Variants in NFIB observed in about 807,000 individuals in gnomAD.
The protein encoded by NFIB is nuclear factor 1 B-type.
A neutral mutation model predicts 61.5 loss-of-function variants in NFIB; 11 were observed. The observed-to-expected ratio is 0.18, with a 90% CI of 0.11 to 0.30. NFIB has a LOEUF of 0.30. Ranked by LOEUF, NFIB falls within the 10% of genes least tolerant of loss-of-function variation. The probability of loss-of-function intolerance (pLI) is 1.00; values close to 1 mark genes in which losing one functional copy is unlikely to be tolerated. For missense variants in NFIB, 471 were observed against 608.9 expected, an observed-to-expected ratio of 0.77 and a Z score of 2.38; for synonymous variants, 260 against 216.5, an observed-to-expected ratio of 1.20 and a Z score of -1.76.
At chr9:14,354,780 CTGTGTGTGTGTGTGTGTGTG>C (rs67877825) in intron 1 of NFIB, among the ~76,000 whole-genome samples, 2 of 145,880 alleles carry the variant, frequency 1.4e-5, no homozygotes, top group Admixed American at 6.8e-5. Flanking sequence ...AATGGGTACT[CTGTGTGTGTGTGTGTGTGTG>C]TGTGTGTGTG....
intron 10 of NFIB, among the ~76,000 whole-genome samples, chr9:14,105,587 A>C (rs536303908): frequency 3.3e-5 from 5 of 152,150 alleles, no homozygotes; most frequent in Non-Finnish European, 7.4e-5. Context: ...AAACTCCCTG[A>C]TAAAGTGAAA....
chr9:14,356,843 G>T (rs1389598669), intron 1 of NFIB, among the ~76,000 whole-genome samples: 8 of 152,152 alleles, frequency 5.3e-5, no homozygotes, highest in African/African-American at 1.9e-4. Flanking sequence ...TTGCTGAAAG[G>T]AATGTCAGTC....
chr9:14,262,172 A>G (rs1234864030), intron 2 of NFIB, among the ~76,000 whole-genome samples: 1 of 152,116 alleles, frequency 6.6e-6, no homozygotes, highest in African/African-American at 2.4e-5. Context: ...GCTCCTAAAC[A>G]CAGGCCACCT....
At chr9:14,187,711 C>A (rs2047535022) in intron 2 of NFIB, among the ~76,000 whole-genome samples, 1 of 151,880 alleles carries the variant, frequency 6.6e-6, no homozygotes, top group East Asian at 1.9e-4. Flanking sequence ...TGTTAGCGCT[C>A]AAGACTGAAA....
chr9:14,439,606 G>A, the NFIB span, among the ~76,000 whole-genome samples: 1 of 152,190 alleles, frequency 6.6e-6, no homozygotes, highest in East Asian at 1.9e-4. Flanking sequence ...AGGCCAGAAA[G>A]AGGGGGTGCC....
chr9:14,427,942 T>TTTTTTTTTTTTTTG, the NFIB span, among the ~76,000 whole-genome samples: 7 of 77,856 alleles, frequency 9.0e-5, no homozygotes, highest in African/African-American at 1.5e-4. Flanking sequence ...CAGTTGTTTT[T>TTTTTTTTTTTTTTG]TTTTTTTTTT....
At chr9:14,377,162 C>T (rs535988018) in intron 1 of NFIB, among the ~76,000 whole-genome samples, 56 of 152,304 alleles carry the variant, frequency 3.7e-4, no homozygotes, top group African/African-American at 1.3e-3. Flanking sequence ...ATACACATAC[C>T]CACAATGCAA....
chr9:14,121,655 T>C (rs939782041), intron 7 of NFIB, among the ~76,000 whole-genome samples: 1 of 152,206 alleles, frequency 6.6e-6, no homozygotes, highest in Non-Finnish European at 1.5e-5. Flanking sequence ...TTACTATATG[T>C]AGTTTAAAAG....
At chr9:14,437,194 T>A in the NFIB span, among the ~76,000 whole-genome samples, 2 of 152,218 alleles carry the variant, frequency 1.3e-5, no homozygotes, top group Non-Finnish European at 1.5e-5. Context: ...GCCATACATT[T>A]AATATAGGGA....
chr9:14,529,206 G>A, the NFIB span, among the ~76,000 whole-genome samples: 2 of 152,106 alleles, frequency 1.3e-5, no homozygotes, highest in African/African-American at 4.8e-5. Context: ...TGTAGAATTG[G>A]ACAACTACGT....
chr9:14,193,450 T>C (rs1339326125), intron 2 of NFIB, among the ~76,000 whole-genome samples: 1 of 152,110 alleles, frequency 6.6e-6, no homozygotes, highest in African/African-American at 2.4e-5. Context: ...AATCAAAAGG[T>C]TTTCTTAAAT....
chr9:14,403,768 C>A (rs780057182), upstream of NFIB, among the ~76,000 whole-genome samples: 5 of 152,150 alleles, frequency 3.3e-5, no homozygotes, highest in Non-Finnish European at 7.3e-5. Context: ...ATCAGTGCCA[C>A]TTAAAATCTT....
the NFIB span, among the ~76,000 whole-genome samples, chr9:14,420,694 G>C: frequency 3.3e-5 from 5 of 151,976 alleles, no homozygotes; most frequent in African/African-American, 4.8e-5. Flanking sequence ...CAGAAAACCC[G>C]CAAAGTGGAT....
chr9:14,415,054 G>A, the NFIB span, among the ~76,000 whole-genome samples: 1 of 152,226 alleles, frequency 6.6e-6, no homozygotes. Context: ...CTTTAGCTCA[G>A]GATCCCATAA....
chr9:14,219,300 T>A (rs2051333605), intron 2 of NFIB, among the ~76,000 whole-genome samples: 2 of 147,398 alleles, frequency 1.4e-5, no homozygotes, highest in South Asian at 4.2e-4. Context: ...ACTTTGAATA[T>A]TAACTATTAT....
At chr9:14,116,373 T>C in intron 8 of NFIB, 27 bp from the exon 9 acceptor site, 1 of 1,468,250 alleles carries the variant, frequency 6.8e-7, no homozygotes, top group East Asian at 2.6e-5. Flanking sequence ...GAATGCCGGG[T>C]GAAGCAATCC....
At chr9:14,308,124 T>C (rs2060110250) in intron 1 of NFIB, 2 of 152,232 alleles carry the variant, frequency 1.3e-5, no homozygotes, top group Admixed American at 6.5e-5. Context: ...GCATGCGCCA[T>C]TAAACTTGAT....
intron 6 of NFIB, among the ~76,000 whole-genome samples, chr9:14,126,876 G>C (rs1019799175): frequency 6.6e-6 from 1 of 152,160 alleles, no homozygotes; most frequent in Non-Finnish European, 1.5e-5. Flanking sequence ...ACTTGTTCAA[G>C]ACCGAATGTA....
rs1481674006 is a variant in NFIB at position 14,307,611 on chromosome 9, TC to T, written c.31-92del. The T allele has an allele frequency of 2.5e-6, 3 of 1,215,730 alleles. No individual in the cohort carries two copies. The African/African-American group carries it at 4.5e-5, about 18-fold the overall frequency. 75.3% of individuals were successfully genotyped at this position (1,215,730 alleles called of 1,614,324 possible). A position where few individuals can be genotyped will look rare whatever the true frequency, so the allele number is the denominator to read the frequency against. The stretch of plus-strand genomic sequence containing the variant: ...TAAGAAAAGAAGACCACAACCCGTT[TC>T]CAATTCAGTACAAAAAGTTATACAT... On this transcript the variant is annotated intron_variant, in intron 1 of 10. Coordinates refer to ENST00000380953, the MANE Select transcript of NFIB (RefSeq NM_001190737.2). This position sits in a 1 kb window ranked among gnomAD's most constrained non-coding sequence, Gnocchi z 5.3.
Sources: allele counts gnomAD v4.1 joint callset (sites outside exome capture counted in the v4.1 genomes callset), GRCh38; gene constraint gnomAD v4.1.1; non-coding constraint Gnocchi (gnomAD v3.1); transcripts MANE v1.5; gene names NCBI Gene and HGNC (gene_info 2026-07-23, HGNC 2026-07-21).